Variants in YES1 observed in about 807,000 individuals in gnomAD.
YES1 encodes YES proto-oncogene 1, Src family tyrosine kinase.
YES1 carries 39 observed loss-of-function variants against 70.4 expected under a neutral mutation model. The ratio of observed to expected loss-of-function variants is 0.55; its 90% confidence interval spans 0.43 to 0.72. YES1 has a LOEUF of 0.72. YES1 is among the 30% of genes least tolerant of loss of function. The pLI is 0.00. For missense variants in YES1, 495 were observed against 644.8 expected (o/e 0.77, Z 2.52); for synonymous variants, 198 against 218.6 (o/e 0.91, Z 0.83).
At chr18:736,700 C>T in intron 10 of YES1, 108 bp downstream of exon 10, 1 of 1,406,588 alleles carries the variant, frequency 7.1e-7, no homozygotes, top group Non-Finnish European at 9.5e-7. Flanking sequence ...CTCTATGACT[C>T]TTCTGAGGGA....
intron 2 of YES1, among the ~76,000 whole-genome samples, chr18:755,343 G>C (rs1324766029): frequency 6.6e-6 from 1 of 151,898 alleles, no homozygotes; most frequent in Admixed American, 6.6e-5. Flanking sequence ...CTGCCTCCTG[G>C]GTTCAAGCAC....
intron 1 of YES1, among the ~76,000 whole-genome samples, chr18:781,512 A>G (rs973101213): frequency 2.0e-5 from 3 of 152,046 alleles, no homozygotes; most frequent in African/African-American, 7.2e-5. Flanking sequence ...CCCCCACACC[A>G]TTTATGACAC....
At chr18:774,306 A>G (rs948835106) in intron 1 of YES1, among the ~76,000 whole-genome samples, 5 of 152,146 alleles carry the variant, frequency 3.3e-5, no homozygotes, top group African/African-American at 1.2e-4. Context: ...CCAGTCTTAT[A>G]TCTTTAAATA....
chr18:793,645 C>A (rs1053592542), intron 1 of YES1, among the ~76,000 whole-genome samples: 3 of 152,006 alleles, frequency 2.0e-5, no homozygotes, highest in African/African-American at 7.2e-5. Context: ...CCTGCATGAT[C>A]CCTTATACAA....
chr18:795,056 G>A (rs964222168), intron 1 of YES1, among the ~76,000 whole-genome samples: 4 of 152,068 alleles, frequency 2.6e-5, no homozygotes, highest in Admixed American at 6.6e-5. Context: ...CTCGTGATCC[G>A]CCTGCCTTGG....
rs1218696637 is a variant in YES1, at chr18:722,717, A to T, written c.*1707T>A. On this transcript the variant is annotated 3_prime_UTR_variant, in exon 12 of 12. Transcript: ENST00000314574. ...CTGTCCCCTTTTCACCACCGTTAAT[A>T]TTCAGAATAAGTTTTCCTCCCCAAA... 6.6e-6 allele frequency: 1 copy of T among 152,174 alleles called. No individual in the cohort carries two copies. Among genetic ancestry groups the T allele is most frequent in the Non-Finnish European group, 1.5e-5 (1 of 68,044 alleles). 9.4% of individuals were successfully genotyped at this position (152,174 alleles called of 1,614,324 possible). A position where few individuals can be genotyped will look rare whatever the true frequency, so the allele number is the denominator to read the frequency against.
At chr18:725,167 CT>C (rs2080002555) in intron 11 of YES1, among the ~76,000 whole-genome samples, 1 of 151,944 alleles carries the variant, frequency 6.6e-6, no homozygotes, top group Non-Finnish European at 1.5e-5. Flanking sequence ...TCTTGTATTC[CT>C]TTGTAATCCC....
In YES1 at chr18:764,731, C is replaced by T. The variant is rs1036552755; in HGVS notation, c.-8-7896G>A. ...AGTTTCATAATTTATCTGAATCTTT[C>T]TTTTTTCTCTCTTTTTTTTGAGACG... On this transcript the variant is annotated intron_variant, in intron 1 of 11. Coordinates refer to ENST00000314574, the MANE Select transcript of YES1 (RefSeq NM_005433.4). 1.2e-4 allele frequency among the ~76,000 whole-genome samples: 19 copies of T among 152,114 alleles called. 1 individual carries two copies. Among genetic ancestry groups the T allele is most frequent in the South Asian group, 1.0e-3 (5 of 4,812 alleles).
intron 1 of YES1, among the ~76,000 whole-genome samples, chr18:770,021 C>A (rs1338319189): frequency 1.3e-5 from 2 of 150,872 alleles, no homozygotes; most frequent in African/African-American, 4.9e-5. Flanking sequence ...TGGCGTGATC[C>A]CGGCTCACTG....
rs145619809 is a variant in YES1, at chr18:742,973, T to C, written c.1005A>G (p.Leu335=). Residue 335 remains leucine (L), a synonymous_variant, in exon 8 of 12, where the codon CTA becomes CTG. Transcript: ENST00000314574. The part of the protein sequence containing the change: ...KKLRHDKLVP[L]YAVVSEEPIY... ...TTGGTTCTTCAGAAACAACAGCATA[T>C]AGTGGAACAAGTTTATCATGTCTTA... 67 of 1,609,660 alleles carry C rather than the reference T, an allele frequency of 4.2e-5. No homozygotes were observed. The Middle Eastern group carries it at 6.6e-4, about 16-fold the overall frequency.
In YES1 at chr18:727,246, G is replaced by T. The variant is rs73943187; in HGVS notation, c.1424-2614C>A. Reference sequence around the variant, plus strand: ...TATGAAACGTCCCTTTTTGTCCCTAGTACTATTTCTTGCCTTAAAGTCTAC... The same window carrying T: ...TATGAAACGTCCCTTTTTGTCCCTATTACTATTTCTTGCCTTAAAGTCTAC... On this transcript the variant is annotated intron_variant, in intron 11 of 11. Transcript: ENST00000314574. 2.3e-3 allele frequency among the ~76,000 whole-genome samples: 349 copies of T among 152,094 alleles called. 2 individuals are homozygous for T. The highest frequency in any genetic ancestry group is 7.9e-3 in the African/African-American group (330 of 41,520).
At chr18:750,106 T>C (rs2080326789) in intron 3 of YES1, among the ~76,000 whole-genome samples, 1 of 152,240 alleles carries the variant, frequency 6.6e-6, no homozygotes, top group Admixed American at 6.5e-5. Flanking sequence ...AATTAAAATG[T>C]TATAAATGCC....
At chr18:755,791 G>A (rs1256102832) in intron 2 of YES1, among the ~76,000 whole-genome samples, 2 of 152,092 alleles carry the variant, frequency 1.3e-5, no homozygotes, top group Non-Finnish European at 2.9e-5. Context: ...CTCTATCAAG[G>A]AATCCTGAAA....
intron 1 of YES1, among the ~76,000 whole-genome samples, chr18:807,442 T>C (rs1907157556): frequency 6.6e-6 from 1 of 151,922 alleles, no homozygotes; most frequent in African/African-American, 2.4e-5. Flanking sequence ...AAGGCTGCGG[T>C]GAGCTGTGAC....
intron 1 of YES1, among the ~76,000 whole-genome samples, chr18:802,003 TAAC>T (rs1906850540): frequency 2.0e-5 from 3 of 152,248 alleles, no homozygotes; most frequent in African/African-American, 7.2e-5. Flanking sequence ...GTTAGTGTAA[TAAC>T]ACATCTTTTT....
intron 6 of YES1, among the ~76,000 whole-genome samples, chr18:743,884 T>A (rs2080244534): frequency 6.7e-6 from 1 of 150,032 alleles, no homozygotes. Flanking sequence ...CTAGCCTGGG[T>A]GACACAGTGA....
At chr18:737,725 T>C (rs2080169430) in intron 9 of YES1, among the ~76,000 whole-genome samples, 2 of 152,222 alleles carry the variant, frequency 1.3e-5, no homozygotes, top group South Asian at 4.1e-4. Context: ...TTTTACATTT[T>C]GATTGATTGA....
chr18:748,375 A>T (rs1434022997), intron 3 of YES1, among the ~76,000 whole-genome samples: 5 of 95,670 alleles, frequency 5.2e-5, no homozygotes, highest in Non-Finnish European at 4.5e-5. Flanking sequence ...TTTTTTTTTT[A>T]AAGCTTTAAG....
rs1416653620 is a variant in YES1, at chr18:724,601, C to T, written c.1455G>A (p.Val485=). 3.7e-6 allele frequency: 6 copies of T among 1,613,992 alleles called. No individual in the cohort carries two copies. The highest frequency in any genetic ancestry group is 5.1e-6 in the Non-Finnish European group (6 of 1,180,016). ...GGCACGGCATCCTGTATCCTCGCTC[C>T]ACTTGTTCTAATACTTCACGGTTCA... The part of the protein sequence containing the change: ...GMVNREVLEQ[V]ERGYRMPCPQ... Residue 485 remains valine (V), a synonymous_variant, in exon 12 of 12, where the codon GTG becomes GTA. Coordinates refer to ENST00000314574, the MANE Select transcript of YES1 (RefSeq NM_005433.4).
Sources: gnomAD v4.1 joint callset for allele counts (sites outside exome capture counted in the v4.1 genomes callset) on GRCh38, gnomAD v4.1.1 for gene constraint, MANE v1.5 for transcripts, NCBI Gene and HGNC (gene_info 2026-07-23, HGNC 2026-07-21) for gene names.